Variants in FBN1 observed in about 807,000 individuals in gnomAD.
FBN1 encodes fibrillin-1.
In FBN1, 29 loss-of-function variants were observed where a neutral mutation model predicts 365.1. The ratio of observed to expected loss-of-function variants is 0.08; its 90% CI spans 0.06 to 0.11. The LOEUF (loss-of-function observed/expected upper bound fraction) is 0.11, where lower values mean the gene tolerates loss of function less well. Ranked by LOEUF, FBN1 falls within the 10% of genes least tolerant of loss-of-function variation. The pLI, the probability that FBN1 is intolerant of heterozygous loss-of-function variation, is 1.00. For missense variants in FBN1, 2,476 were observed against 3,703.2 expected, an observed-to-expected ratio of 0.67 and a Z score of 8.60; for synonymous variants, 1,210 against 1,270.5, an observed-to-expected ratio of 0.95 and a Z score of 1.01.
intron 8 of FBN1, among the ~76,000 whole-genome samples, chr15:48,533,752 A>T (rs2043991079): frequency 6.6e-6 from 1 of 152,200 alleles, no homozygotes; most frequent in Non-Finnish European, 1.5e-5. Flanking sequence ...GACCAAATTT[A>T]AATTCATGTC....
chr15:48,500,274 G>A (rs2043643407), intron 17 of FBN1, among the ~76,000 whole-genome samples: 3 of 152,220 alleles, frequency 2.0e-5, no homozygotes, highest in Admixed American at 6.5e-5. Flanking sequence ...GACTTTTAGA[G>A]ATAATGACAA....
At chr15:48,575,621 G>A (rs781259078) in intron 6 of FBN1, among the ~76,000 whole-genome samples, 25 of 151,932 alleles carry the variant, frequency 1.6e-4, no homozygotes, top group Non-Finnish European at 3.5e-4. Flanking sequence ...CAACCTCTGC[G>A]GAAAACAGTA....
chr15:48,464,475 C>T (rs900554814), intron 40 of FBN1, among the ~76,000 whole-genome samples: 2 of 152,110 alleles, frequency 1.3e-5, no homozygotes, highest in Non-Finnish European at 2.9e-5. Flanking sequence ...AAGATCATGC[C>T]ATTGCACTCC....
rs1434024321 is a variant in FBN1 at position 48,644,814 on chromosome 15, G to A, written c.-45C>T. 1 of 1,583,860 alleles carries A rather than the reference G, an allele frequency of 6.3e-7. No homozygotes were observed. The highest frequency in any genetic ancestry group is 8.5e-7 in the Non-Finnish European group (1 of 1,169,828). ...CTCCCGCCGCCTCTTGCCGCGCCCG[G>A]GGCTCGGTCTGCGGCCGCCGCTGCG... On this transcript the variant is annotated 5_prime_UTR_variant, in exon 2 of 66. Transcript: ENST00000316623.
intron 6 of FBN1, among the ~76,000 whole-genome samples, chr15:48,565,483 G>C (rs1044359371): frequency 6.6e-6 from 1 of 151,896 alleles, no homozygotes; most frequent in Non-Finnish European, 1.5e-5. Flanking sequence ...ACACAATCAT[G>C]TGTTAGTTAA....
At chr15:48,601,436 T>C (rs148819285) in intron 4 of FBN1, among the ~76,000 whole-genome samples, 1 of 152,352 alleles carries the variant, frequency 6.6e-6, no homozygotes, top group African/African-American at 2.4e-5. Context: ...TGGCTTATTC[T>C]GTCTGGTCCT....
rs187101351 is a variant in FBN1, at chr15:48,569,515, T to C, written c.538+26768A>G. On this transcript the variant is annotated intron_variant, in intron 6 of 65. Coordinates refer to ENST00000316623, the MANE Select transcript of FBN1 (RefSeq NM_000138.5). ...ACATATGGTCAGACAAAGACTTGTA[T>C]GTGAATGTTAATAGCAATATTATTC... 3.2e-3 allele frequency among the ~76,000 whole-genome samples: 484 copies of C among 152,264 alleles called. 1 individual carries two copies. The highest frequency in any genetic ancestry group is 0.011 in the African/African-American group (474 of 41,570).
At chr15:48,585,289 C>T (rs1463667644) in intron 6 of FBN1, among the ~76,000 whole-genome samples, 3 of 152,282 alleles carry the variant, frequency 2.0e-5, no homozygotes, top group African/African-American at 7.2e-5. Flanking sequence ...TTAGAACATT[C>T]TTTATTTCCT....
intron 15 of FBN1, among the ~76,000 whole-genome samples, chr15:48,506,187 C>T (rs999957979): frequency 1.3e-5 from 2 of 152,058 alleles, no homozygotes; most frequent in Non-Finnish European, 2.9e-5. Context: ...TGTGCCACTG[C>T]ACTCCATCCA....
intron 4 of FBN1, among the ~76,000 whole-genome samples, chr15:48,606,048 G>A (rs2044605750): frequency 1.3e-5 from 2 of 152,046 alleles, no homozygotes; most frequent in Admixed American, 6.6e-5. Context: ...AATCAGAATA[G>A]CTAAAATAAA....
intron 2 of FBN1, among the ~76,000 whole-genome samples, chr15:48,613,563 A>T (rs981076250): frequency 1.3e-5 from 2 of 152,172 alleles, no homozygotes; most frequent in Non-Finnish European, 2.9e-5. Flanking sequence ...CACTAAAATT[A>T]CAGGAACGCA....
chr15:48,628,009 A>G (rs1889916799), intron 2 of FBN1, among the ~76,000 whole-genome samples: 1 of 152,250 alleles, frequency 6.6e-6, no homozygotes, highest in South Asian at 2.1e-4. Flanking sequence ...GCACCCACTG[A>G]CGAAAAAGCA....
chr15:48,600,354 A>G, intron 4 of FBN1, 120 bp from the exon 5 acceptor site: 1 of 747,178 alleles, frequency 1.3e-6, no homozygotes, highest in Non-Finnish European at 2.4e-6. Flanking sequence ...GGATTCATCT[A>G]TTTTTACCTG....
chr15:48,607,335 A>G (rs527757072), intron 4 of FBN1, among the ~76,000 whole-genome samples: 1 of 143,452 alleles, frequency 7.0e-6, no homozygotes, highest in South Asian at 2.2e-4. Flanking sequence ...TATATATATA[A>G]TTAGACAATT....
chr15:48,621,997 C>CA (rs1390517856), intron 2 of FBN1, among the ~76,000 whole-genome samples: 2,627 of 91,640 alleles, frequency 0.029, 102 homozygotes, highest in African/African-American at 0.094. Context: ...GACTCTGTCT[C>CA]AAAAAAAAAA....
intron 64 of FBN1, among the ~76,000 whole-genome samples, chr15:48,413,748 T>G (rs2042881534): frequency 6.6e-6 from 1 of 152,192 alleles, no homozygotes; most frequent in Admixed American, 6.5e-5. Context: ...CAAAAATTAT[T>G]TATCTGTTTT....
Position 48,520,764 on chromosome 15 carries a change from G to C in FBN1, c.1042C>G (p.Gln348Glu). ...ATTTTGGTTATGGACTGTGGCAGCT[G>C]GTTAGAGCAGCGCCCGTTTGTCAGA... ...TALTNGRCSN[Q>E]LPQSITKMQC... The change falls in exon 10 of 66, where the codon CAG becomes GAG. Residue 348 changes from glutamine (Q) to glutamate (E), a missense_variant. Gln to Glu is a conservative substitution (Grantham distance 29). Coordinates refer to ENST00000316623, the MANE Select transcript of FBN1 (RefSeq NM_000138.5). 1.2e-6 allele frequency: 2 copies of C among 1,614,178 alleles called. No homozygotes were observed. The highest frequency in any genetic ancestry group is 1.7e-6 in the Non-Finnish European group (2 of 1,180,036).
At chr15:48,414,460 C>T (rs1020073683) in intron 64 of FBN1, among the ~76,000 whole-genome samples, 4 of 151,966 alleles carry the variant, frequency 2.6e-5, no homozygotes, top group Non-Finnish European at 4.4e-5. Context: ...CTATGTGTTC[C>T]TAATTAAAAA....
At chr15:48,445,672 G>A (rs2043153285) in intron 47 of FBN1, among the ~76,000 whole-genome samples, 168 bp from the exon 48 acceptor site, 1 of 151,824 alleles carries the variant, frequency 6.6e-6, no homozygotes, top group Admixed American at 6.6e-5. Context: ...CAACAGAACT[G>A]GCTTTAAGCA....
Sources: gnomAD v4.1 joint callset for allele counts (sites outside exome capture counted in the v4.1 genomes callset) on GRCh38, gnomAD v4.1.1 for gene constraint, MANE v1.5 for transcripts, NCBI Gene and HGNC (gene_info 2026-07-23, HGNC 2026-07-21) for gene names.